Variants in CCDC30 observed in about 807,000 individuals in gnomAD.
CCDC30 encodes coiled-coil domain-containing protein 30.
Under a neutral mutation model 100.2 loss-of-function variants are expected in CCDC30, and 70 were observed. The observed-to-expected ratio is 0.70, with a 90% CI of 0.58 to 0.85. The LOEUF (loss-of-function observed/expected upper bound fraction) is 0.85. Among genes scored for constraint, CCDC30 ranks in the 40% least tolerant of loss-of-function variants. The pLI is 0.00. For synonymous variants in CCDC30, 233 were observed against 269.5 expected (o/e 0.86, Z 1.33); for missense variants, 652 against 771.2 (o/e 0.85, Z 1.83).
downstream of CCDC30, among the ~76,000 whole-genome samples, chr1:42,655,024 T>G (rs2148703924): frequency 6.6e-6 from 1 of 152,182 alleles, no homozygotes; most frequent in East Asian, 2.0e-4. Flanking sequence ...TAATTTTATT[T>G]TACAGTTATT....
chr1:42,550,141 T>A (rs1324265298), intron 6 of CCDC30, among the ~76,000 whole-genome samples: 1 of 152,172 alleles, frequency 6.6e-6, no homozygotes, highest in Non-Finnish European at 1.5e-5. Flanking sequence ...CCTTTGATTC[T>A]TCCCCACATC....
intron 15 of CCDC30, 110 bp downstream of exon 19, chr1:42,646,427 C>T (rs1419390773): frequency 2.4e-6 from 3 of 1,253,446 alleles, no homozygotes; most frequent in East Asian, 3.0e-5. Context: ...AAAAGTAAAA[C>T]GGAGGTAGTC....
chr1:42,536,911 A>G, intron 6 of CCDC30: 1 of 361,032 alleles, frequency 2.8e-6, no homozygotes, highest in South Asian at 2.8e-5. Flanking sequence ...CTCTTCCTAT[A>G]AAGGCACTAA....
At chr1:42,463,731 T>A (rs1433898658) in exon 1 of CCDC30, 1 of 152,070 alleles carries the variant, frequency 6.6e-6, no homozygotes, top group African/African-American at 2.4e-5. Context: ...CGCCCGAAGG[T>A]CCAGGCCACT....
chr1:42,562,942 A>G (rs1645524164), intron 6 of CCDC30, among the ~76,000 whole-genome samples: 1 of 152,224 alleles, frequency 6.6e-6, no homozygotes, highest in African/African-American at 2.4e-5. Context: ...ATTATTAAAA[A>G]GTCAGGAAAC....
At chr1:42,518,677 A>G (rs1158688351) in intron 6 of CCDC30, among the ~76,000 whole-genome samples, 1 of 152,224 alleles carries the variant, frequency 6.6e-6, no homozygotes, top group Non-Finnish European at 1.5e-5. Context: ...CACACTGACA[A>G]AATCACCTAC....
intron 6 of CCDC30, chr1:42,536,484 A>G: frequency 6.2e-7 from 1 of 1,604,412 alleles, no homozygotes; most frequent in Non-Finnish European, 8.5e-7. Context: ...AGATCCTGAA[A>G]ATGAGCCAAG....
intron 1 of CCDC30, chr1:42,464,208 G>C (rs920261315): frequency 2.0e-5 from 3 of 152,112 alleles, no homozygotes; most frequent in African/African-American, 2.4e-5. Context: ...ACTAGGAGAA[G>C]TGCAAATTGG....
intron 12 of CCDC30, among the ~76,000 whole-genome samples, chr1:42,640,891 T>TA (rs560666910): frequency 3.4e-5 from 5 of 148,828 alleles, no homozygotes; most frequent in Non-Finnish European, 6.0e-5. Context: ...AAACTTTATC[T>TA]AAAAAAAAAA....
At chr1:42,589,219 G>C in intron 9 of CCDC30, 102 bp from the exon 14 acceptor site, 1 of 854,718 alleles carries the variant, frequency 1.2e-6, no homozygotes, top group Non-Finnish European at 1.7e-6. Context: ...CTACTTCATT[G>C]AACCAAAAAA....
intron 6 of CCDC30, among the ~76,000 whole-genome samples, chr1:42,519,138 G>T (rs1644598052): frequency 6.6e-6 from 1 of 152,072 alleles, no homozygotes; most frequent in Non-Finnish European, 1.5e-5. Context: ...AATTCTACTT[G>T]GTCATGGTTT....
chr1:42,481,735 G>A (rs915095324), intron 2 of CCDC30, among the ~76,000 whole-genome samples: 3 of 151,892 alleles, frequency 2.0e-5, no homozygotes, highest in Admixed American at 2.0e-4. Context: ...TTTGATCTAG[G>A]GAAATGTTAT....
intron 11 of CCDC30, among the ~76,000 whole-genome samples, chr1:42,630,291 G>A (rs1372499486): frequency 6.6e-6 from 1 of 151,294 alleles, no homozygotes; most frequent in Non-Finnish European, 1.5e-5. Context: ...GCCCTTTTGA[G>A]GCTATTTTCC....
At chr1:42,485,741 T>G (rs2148460385) in intron 3 of CCDC30, among the ~76,000 whole-genome samples, 1 of 152,288 alleles carries the variant, frequency 6.6e-6, no homozygotes, top group Admixed American at 6.5e-5. Context: ...GCTCAGCACC[T>G]CCCATCATAA....
At chr1:42,462,332 T>C (rs1045534201), upstream of CCDC30, among the ~76,000 whole-genome samples, 1 of 152,144 alleles carries the variant, frequency 6.6e-6, no homozygotes, top group African/African-American at 2.4e-5. Flanking sequence ...GATCAAGGAA[T>C]GTCTCCCTGA....
intron 7 of CCDC30, among the ~76,000 whole-genome samples, chr1:42,573,134 A>G (rs1324201200): frequency 6.6e-6 from 1 of 152,200 alleles, no homozygotes; most frequent in Non-Finnish European, 1.5e-5. Flanking sequence ...GTTAAGCTAC[A>G]CACAAATACT....
intron 11 of CCDC30, among the ~76,000 whole-genome samples, chr1:42,614,493 G>A (rs1463391981): frequency 4.0e-5 from 6 of 151,676 alleles, no homozygotes; most frequent in Non-Finnish European, 8.8e-5. Flanking sequence ...CCCCAATGAA[G>A]ATACAGAACA....
intron 7 of CCDC30, among the ~76,000 whole-genome samples, chr1:42,573,064 C>T (rs1645765317): frequency 6.6e-6 from 1 of 152,110 alleles, no homozygotes; most frequent in Non-Finnish European, 1.5e-5. Flanking sequence ...TTCTTCTTTT[C>T]TGGGATATCT....
chr1:42,511,037 A>T (rs1401762112), intron 6 of CCDC30, among the ~76,000 whole-genome samples: 6 of 152,210 alleles, frequency 3.9e-5, no homozygotes, highest in African/African-American at 1.4e-4. Flanking sequence ...TTACCCATTT[A>T]GAAAGAGAAG....
Sources: allele counts gnomAD v4.1 joint callset (sites outside exome capture counted in the v4.1 genomes callset), GRCh38; gene constraint gnomAD v4.1.1; transcripts MANE v1.5; gene names NCBI Gene and HGNC (gene_info 2026-07-23, HGNC 2026-07-21).